Variants in STYXL1 observed in about 807,000 individuals in gnomAD.
STYXL1 encodes serine/threonine/tyrosine interacting like 1.
In STYXL1, 32 loss-of-function variants were observed where a neutral mutation model predicts 36.4. That is an observed-to-expected ratio of 0.88 (90% confidence interval 0.66 to 1.18). The LOEUF is 1.18. Among genes scored for constraint, STYXL1 ranks in the 50% most tolerant of loss-of-function variants. The pLI, the probability that STYXL1 is intolerant of heterozygous loss-of-function variation, is 0.00. For synonymous variants in STYXL1, 133 were observed against 144.1 expected (o/e 0.92, Z 0.55); for missense variants, 354 against 394.1 (o/e 0.90, Z 0.86).
chr7:76,034,173 G>A (rs1795689019), intron 1 of STYXL1, among the ~76,000 whole-genome samples: 1 of 152,180 alleles, frequency 6.6e-6, no homozygotes, highest in African/African-American at 2.4e-5. Flanking sequence ...CACTATCATA[G>A]CTTGCTGCAG....
At chr7:76,000,207 A>G (rs1212594102) in intron 8 of STYXL1, among the ~76,000 whole-genome samples, 1 of 140,948 alleles carries the variant, frequency 7.1e-6, no homozygotes, top group African/African-American at 2.7e-5. Flanking sequence ...CAACAGAACA[A>G]GACTCCATCT....
chr7:76,031,140 G>C (rs1554579190), intron 1 of STYXL1, among the ~76,000 whole-genome samples: 1 of 149,898 alleles, frequency 6.7e-6, no homozygotes, highest in Non-Finnish European at 1.5e-5. Context: ...CAGCCTGGGT[G>C]ACAGAGCGAG....
At chr7:76,040,798 T>C (rs1227339822) in intron 1 of STYXL1, among the ~76,000 whole-genome samples, 1 of 148,408 alleles carries the variant, frequency 6.7e-6, no homozygotes, top group Non-Finnish European at 1.5e-5. Flanking sequence ...ATCGTGCCAT[T>C]GCACTTCAGC....
intron 4 of STYXL1, among the ~76,000 whole-genome samples, chr7:76,016,272 G>A (rs1554573800): frequency 6.6e-6 from 1 of 151,082 alleles, no homozygotes; most frequent in Non-Finnish European, 1.5e-5. Flanking sequence ...ATATGTATGT[G>A]TGTATATATG....
At chr7:76,016,184 ATATATG>A (rs1361232910) in intron 4 of STYXL1, among the ~76,000 whole-genome samples, 1 of 151,898 alleles carries the variant, frequency 6.6e-6, no homozygotes, top group Non-Finnish European at 1.5e-5. Context: ...ACATTTATAG[ATATATG>A]TATATCTATA....
At chr7:76,009,361 C>G (rs1297364617) in intron 5 of STYXL1, among the ~76,000 whole-genome samples, 1 of 151,724 alleles carries the variant, frequency 6.6e-6, no homozygotes, top group African/African-American at 2.4e-5. Flanking sequence ...CCAGCCCCCT[C>G]TCTCTCCTAT....
intron 4 of STYXL1, among the ~76,000 whole-genome samples, chr7:76,014,589 G>GCAAT (rs1793019359): frequency 6.6e-6 from 1 of 151,878 alleles, no homozygotes; most frequent in Non-Finnish European, 1.5e-5. Flanking sequence ...CTGAGCTCAA[G>GCAAT]CAATCTACCT....
chr7:76,031,331 C>CAAAA lies in STYXL1; in HGVS notation c.-4-808_-4-805dup, dbSNP rs60550486. Among the ~76,000 whole-genome samples the CAAAA allele has an allele frequency of 5.0e-4, 21 of 42,302 alleles. 1 individual carries two copies. The highest frequency in any genetic ancestry group is 8.6e-4 in the African/African-American group (7 of 8,186). The allele number at this position is 42,302 out of a possible 152,430, so 27.8% of individuals were successfully genotyped here. ...GGGGGACAGAGTGAGACTCTGTCTC[C>CAAAA]AAAAAAAAAAAAAAAAAAAAAAAAA... On this transcript the variant is annotated intron_variant, in intron 1 of 8. Transcript: ENST00000359697.
At chr7:76,037,691 A>C (rs1796051821) in intron 1 of STYXL1, among the ~76,000 whole-genome samples, 1 of 149,750 alleles carries the variant, frequency 6.7e-6, no homozygotes, top group African/African-American at 2.4e-5. Context: ...TCAACTGCCA[A>C]GCCACCCTAA....
At chr7:76,035,520 C>T (rs1554580523) in intron 1 of STYXL1, among the ~76,000 whole-genome samples, 8 of 149,724 alleles carry the variant, frequency 5.3e-5, no homozygotes, top group Non-Finnish European at 1.2e-4. Context: ...ACCATTATGG[C>T]CTTTCCCAAC....
chr7:75,998,874 G>A (rs1790451949), intron 8 of STYXL1: 1 of 152,224 alleles, frequency 6.6e-6, no homozygotes, highest in South Asian at 2.1e-4. Context: ...ACATTAAAAG[G>A]ATAATAGAAG....
chr7:76,028,829 A>AGCCCC, intron 2 of STYXL1, 126 bp from the exon 3 acceptor site: 1 of 882,150 alleles, frequency 1.1e-6, no homozygotes, highest in African/African-American at 1.6e-5. Context: ...GTCAGTTTAA[A>AGCCCC]ACTTGAGATG....
At chr7:76,026,980 T>C (rs1311983044) in intron 3 of STYXL1, among the ~76,000 whole-genome samples, 1 of 152,042 alleles carries the variant, frequency 6.6e-6, no homozygotes, top group Admixed American at 6.6e-5. Flanking sequence ...GGAGAATCAT[T>C]TGAACCTGGG....
In STYXL1 at chr7:75,996,465, A is replaced by G. The variant is rs368928494; in HGVS notation, c.*3T>C. ...AGTACCCTTCGGTGGGCCTCGGAGA[A>G]GATCAGTAGAGCGGATCCATGATGT... On this transcript the variant is annotated 3_prime_UTR_variant, in exon 9 of 9. Transcript: ENST00000359697. 3.7e-6 allele frequency: 6 copies of G among 1,614,184 alleles called. No homozygotes were observed. In the South Asian group the frequency reaches 5.5e-5, roughly 15 times the overall value.
intron 4 of STYXL1, among the ~76,000 whole-genome samples, chr7:76,017,743 C>T (rs6958829): frequency 0.12 from 17,700 of 150,672 alleles, 2,060 homozygotes; most frequent in African/African-American, 0.3. Flanking sequence ...AAAAAATAGC[C>T]GGGTGGGGTG....
At chr7:76,042,810 A>G (rs1436000727) in intron 1 of STYXL1, among the ~76,000 whole-genome samples, 2 of 152,100 alleles carry the variant, frequency 1.3e-5, no homozygotes, top group East Asian at 1.9e-4. Context: ...AGCTCTCCCT[A>G]TTAGCATCTT....
intron 1 of STYXL1, among the ~76,000 whole-genome samples, chr7:76,037,162 G>A (rs559911206): frequency 6.7e-6 from 1 of 150,058 alleles, no homozygotes; most frequent in African/African-American, 2.4e-5. Context: ...CAAGGCAGAA[G>A]GAACTCCCGA....
rs574604515 is a variant in STYXL1 at position 76,021,138 on chromosome 7, C to T, written c.307+713G>A. On this transcript the variant is annotated intron_variant, in intron 4 of 8. Transcript: ENST00000359697. ...TGTCGCCCAGGCTGGAGTGCAGTGGCGTGATCTCCGCTCACTGCAAGCTCT... is the reference window on the plus strand; with the variant it reads ...TGTCGCCCAGGCTGGAGTGCAGTGGTGTGATCTCCGCTCACTGCAAGCTCT... Among the ~76,000 whole-genome samples, 3 of 150,444 alleles carry T rather than the reference C, an allele frequency of 2.0e-5. No homozygotes were observed. In the South Asian group the frequency reaches 6.3e-4, roughly 32 times the overall value.
intron 8 of STYXL1, among the ~76,000 whole-genome samples, chr7:75,999,509 G>GTGTGCA (rs782747902): frequency 2.9e-5 from 3 of 102,098 alleles, no homozygotes; most frequent in Non-Finnish European, 7.3e-5. Flanking sequence ...GTGTGTGTGT[G>GTGTGCA]TATGTGTGTG....
Sources: gnomAD v4.1 joint callset for allele counts (sites outside exome capture counted in the v4.1 genomes callset) on GRCh38, gnomAD v4.1.1 for gene constraint, MANE v1.5 for transcripts, NCBI Gene and HGNC (gene_info 2026-07-23, HGNC 2026-07-21) for gene names.